Variants in RNF152 observed in about 807,000 individuals in gnomAD.
RNF152 encodes ring finger protein 152.
A neutral mutation model predicts 12.7 loss-of-function variants in RNF152; 11 were observed. That is an observed-to-expected ratio of 0.86 (90% CI 0.54 to 1.43). RNF152 has a LOEUF of 1.43. Ranked by LOEUF, RNF152 falls within the 40% of genes most tolerant of loss-of-function variation. The pLI is 0.00. For missense variants in RNF152, 255 were observed against 274.8 expected (o/e 0.93, Z 0.51); for synonymous variants, 113 against 120.3 (o/e 0.94, Z 0.40).
intron 1 of RNF152, among the ~76,000 whole-genome samples, chr18:61,830,606 A>T (rs1325684160): frequency 6.6e-6 from 1 of 152,096 alleles, no homozygotes; most frequent in East Asian, 1.9e-4. Context: ...TCAATTGTGT[A>T]TTATTTTTTC....
At chr18:61,835,601 A>AAAT in intron 1 of RNF152, among the ~76,000 whole-genome samples, 1 of 152,326 alleles carries the variant, frequency 6.6e-6, no homozygotes, top group East Asian at 1.9e-4. Context: ...TACATATCAA[A>AAAT]AATAATAAAT....
chr18:61,838,781 T>A (rs1006582346), intron 1 of RNF152, among the ~76,000 whole-genome samples: 1 of 152,122 alleles, frequency 6.6e-6, no homozygotes, highest in Non-Finnish European at 1.5e-5. Flanking sequence ...CACGTTCAGA[T>A]CTATCAAAGT....
chr18:61,851,107 A>G (rs1910953371), intron 1 of RNF152, among the ~76,000 whole-genome samples: 1 of 151,682 alleles, frequency 6.6e-6, no homozygotes, highest in Non-Finnish European at 1.5e-5. Context: ...AAAAAAAAAA[A>G]ACTTATGATC....
chr18:61,842,436 G>A (rs1464369759), intron 1 of RNF152, among the ~76,000 whole-genome samples: 1 of 152,204 alleles, frequency 6.6e-6, no homozygotes, highest in African/African-American at 2.4e-5. Flanking sequence ...GCTGGAACAA[G>A]GCTGGCAGCT....
chr18:61,886,836 C>T (rs537974518), intron 1 of RNF152, among the ~76,000 whole-genome samples: 1 of 152,170 alleles, frequency 6.6e-6, no homozygotes. Flanking sequence ...TGACAAGTGG[C>T]CTTTGTAGAA....
chr18:61,881,225 TTTC>T (rs1912451651), intron 1 of RNF152, among the ~76,000 whole-genome samples: 1 of 152,214 alleles, frequency 6.6e-6, no homozygotes, highest in Non-Finnish European at 1.5e-5. Flanking sequence ...TCTCTCTCGT[TTTC>T]TTATTTTCAC....
chr18:61,816,719 T>G (rs943804293), intron 1 of RNF152, 121 bp from the exon 2 acceptor site: 9 of 400,942 alleles, frequency 2.2e-5, no homozygotes, highest in Non-Finnish European at 3.6e-5. Flanking sequence ...GCCTAAAAAT[T>G]TACCAGTCTT....
intron 1 of RNF152, among the ~76,000 whole-genome samples, chr18:61,817,190 T>C (rs76582633): frequency 0.048 from 7,373 of 152,310 alleles, 250 homozygotes; most frequent in Non-Finnish European, 0.064. Flanking sequence ...TCTTTCATCT[T>C]TCCCAACAAA....
chr18:61,855,337 T>C (rs1911173114), intron 1 of RNF152, among the ~76,000 whole-genome samples: 1 of 152,234 alleles, frequency 6.6e-6, no homozygotes, highest in Non-Finnish European at 1.5e-5. Context: ...TTTGATGATA[T>C]CATAGTGATG....
intron 1 of RNF152, among the ~76,000 whole-genome samples, chr18:61,862,579 T>C (rs1436135064): frequency 6.6e-6 from 1 of 152,204 alleles, no homozygotes; most frequent in Admixed American, 6.5e-5. Context: ...TTCAAGGAGC[T>C]TCCAGACAGC....
chr18:61,871,321 T>C (rs1274654887), intron 1 of RNF152, among the ~76,000 whole-genome samples: 2 of 152,046 alleles, frequency 1.3e-5, no homozygotes, highest in Admixed American at 1.3e-4. Flanking sequence ...GATTCCCACC[T>C]TAGACTACTA....
chr18:61,875,688 T>C (rs1912183389), intron 1 of RNF152, among the ~76,000 whole-genome samples: 1 of 152,184 alleles, frequency 6.6e-6, no homozygotes, highest in Non-Finnish European at 1.5e-5. Flanking sequence ...ATTTACCCAA[T>C]ACCTCAGACT....
rs1443679856 is a variant in RNF152, at chr18:61,815,773, C to A, written c.*79G>T. 2.7e-6 allele frequency: 4 copies of A among 1,504,396 alleles called. No individual in the cohort carries two copies. The highest frequency in any genetic ancestry group is 3.6e-6 in the Non-Finnish European group (4 of 1,098,094). The allele number at this position is 1,504,396 out of a possible 1,614,324, so 93.2% of individuals were successfully genotyped here. A position where few individuals can be genotyped will look rare whatever the true frequency, so the allele number is the denominator to read the frequency against. The stretch of plus-strand genomic sequence containing the variant: ...GCACCAAATGGTCAGTGTTGCCCCC[C>A]ATCTTCTCACTGGGATCTCATCATC... On this transcript the variant is annotated 3_prime_UTR_variant, in exon 2 of 2. Coordinates refer to ENST00000312828, the MANE Select transcript of RNF152 (RefSeq NM_173557.3).
intron 1 of RNF152, among the ~76,000 whole-genome samples, chr18:61,841,786 G>T (rs1910466054): frequency 6.6e-6 from 1 of 152,226 alleles, no homozygotes; most frequent in Non-Finnish European, 1.5e-5. Flanking sequence ...CAACACGGCA[G>T]TAAATCACTA....
chr18:61,823,926 T>C (rs1909537611), intron 1 of RNF152, among the ~76,000 whole-genome samples: 1 of 152,224 alleles, frequency 6.6e-6, no homozygotes, highest in Non-Finnish European at 1.5e-5. Flanking sequence ...TGCTAGGGCA[T>C]GTGCCAATTC....
intron 1 of RNF152, among the ~76,000 whole-genome samples, chr18:61,853,924 C>T (rs1911101116): frequency 6.6e-6 from 1 of 152,132 alleles, no homozygotes; most frequent in Admixed American, 6.5e-5. Flanking sequence ...AACATCGCCA[C>T]CCCTGTTGTG....
intron 1 of RNF152, among the ~76,000 whole-genome samples, chr18:61,871,857 A>T (rs188218862): frequency 1.4e-4 from 21 of 152,312 alleles, no homozygotes; most frequent in Non-Finnish European, 2.8e-4. Flanking sequence ...AGCCTCTGAT[A>T]GGTACATATC....
At chr18:61,891,009 A>C (rs1912932916) in intron 1 of RNF152, among the ~76,000 whole-genome samples, 1 of 152,194 alleles carries the variant, frequency 6.6e-6, no homozygotes. Context: ...ATTGAAGTTA[A>C]TTAGAATCAG....
intron 1 of RNF152, among the ~76,000 whole-genome samples, chr18:61,849,395 TTA>T (rs1232756082): frequency 1.3e-5 from 2 of 152,194 alleles, no homozygotes; most frequent in Non-Finnish European, 2.9e-5. Flanking sequence ...TTTTCTAAAA[TTA>T]TGTCAAAAGT....
Sources: allele counts gnomAD v4.1 joint callset (sites outside exome capture counted in the v4.1 genomes callset), GRCh38; gene constraint gnomAD v4.1.1; transcripts MANE v1.5; gene names NCBI Gene and HGNC (gene_info 2026-07-23, HGNC 2026-07-21).